CCNT1: variants seen among roughly 807,000 people sequenced by gnomAD.
The protein encoded by CCNT1 is cyclin-T1.
CCNT1 carries 18 observed loss-of-function variants against 67.3 expected under a neutral mutation model. The observed-to-expected ratio is 0.27, with a 90% CI of 0.18 to 0.40. The LOEUF (loss-of-function observed/expected upper bound fraction) is 0.40, where lower values mean the gene tolerates loss of function less well. Ranked by LOEUF, CCNT1 falls within the 10% of genes least tolerant of loss-of-function variation. The probability of loss-of-function intolerance (pLI) is 1.00; values close to 1 mark genes in which losing one functional copy is unlikely to be tolerated. For synonymous variants in CCNT1, 333 were observed against 310.3 expected, an observed-to-expected ratio of 1.07 and a Z score of -0.77; for missense variants, 744 against 884.9, an observed-to-expected ratio of 0.84 and a Z score of 2.02.
At position 48,693,103 on chromosome 12, in the gene CCNT1, T is replaced by C. The variant is rs1738043626; in HGVS notation, c.2111A>G (p.Asn704Ser). The change falls in exon 9 of 9, where the codon AAT (asparagine) becomes AGT (serine). Residue 704 changes from asparagine (N) to serine (S), a missense_variant. By Grantham distance (46) the Asn-to-Ser change is conservative. Transcript: ENST00000261900. ...AGGTGGTGGCCGGGGTTTGTCTGTA[T>C]TGCCAGATCTCGAGGAGATTCCACC... ...RSGGISSRSG[N>S]TDKPRPPPLP... 4 of 1,614,176 alleles carry C rather than the reference T, an allele frequency of 2.5e-6. No individual in the cohort carries two copies. In the East Asian group the frequency reaches 8.9e-5, roughly 36 times the overall value.
intron 5 of CCNT1, 110 bp from the exon 6 acceptor site, chr12:48,698,293 A>G: frequency 1.4e-6 from 1 of 708,794 alleles, no homozygotes; most frequent in Admixed American, 3.1e-5. Context: ...TACTGTGAAT[A>G]TAGTGGCAAA....
At chr12:48,697,377 C>T (rs937723732) in intron 6 of CCNT1, among the ~76,000 whole-genome samples, 2 of 151,258 alleles carry the variant, frequency 1.3e-5, no homozygotes, top group Admixed American at 6.6e-5. Flanking sequence ...AAAAAATTAG[C>T]GGGGCATGGT....
At chr12:48,716,381 G>T (rs1940532875) in intron 1 of CCNT1, 134 bp downstream of exon 1, 3 of 771,384 alleles carry the variant, frequency 3.9e-6, no homozygotes, top group African/African-American at 3.5e-5. Flanking sequence ...GCCCCATCGT[G>T]GGCTCTCCCA....
Position 48,694,254 on chromosome 12 carries a change from G to A in CCNT1, c.960C>T (p.Ser320=). ...VPSLPVSEES[S]SNLTSVEMLP... ...ACATCTCCACACTGGTTAAGTTGCTGGATGACTCTTCGGAGACTGGCAGGG... is the reference window on the plus strand; with the variant it reads ...ACATCTCCACACTGGTTAAGTTGCTAGATGACTCTTCGGAGACTGGCAGGG... Residue 320 remains serine (S), a synonymous_variant, in exon 9 of 9, where the codon TCC becomes TCT. Coordinates refer to ENST00000261900, the MANE Select transcript of CCNT1 (RefSeq NM_001240.4). The A allele has an allele frequency of 6.2e-7, 1 of 1,614,200 alleles. No individual in the cohort carries two copies. The highest frequency in any genetic ancestry group is 8.5e-7 in the Non-Finnish European group (1 of 1,180,044).
In CCNT1 at chr12:48,701,089, C is replaced by T; in HGVS notation, c.373-16G>A. 1 of 1,519,162 alleles carries T rather than the reference C, an allele frequency of 6.6e-7. No individual in the cohort carries two copies. Among genetic ancestry groups the T allele is most frequent in the Non-Finnish European group, 9.0e-7 (1 of 1,107,512 alleles). 94.1% of individuals were successfully genotyped at this position (1,519,162 alleles called of 1,614,324 possible). ...GCAAATAAGCCTAAAAGTGAGAAGACAGAAATTATTCCCTACAAAGGCACA... is the reference window on the plus strand; with the variant it reads ...GCAAATAAGCCTAAAAGTGAGAAGATAGAAATTATTCCCTACAAAGGCACA... On this transcript the variant is annotated splice_polypyrimidine_tract_variant and intron_variant, in intron 3 of 8. Coordinates refer to ENST00000261900, the MANE Select transcript of CCNT1 (RefSeq NM_001240.4).
In CCNT1 at chr12:48,708,538, C is replaced by T. The variant is rs370712774; in HGVS notation, c.244-2642G>A. Among the ~76,000 whole-genome samples the T allele has an allele frequency of 8.1e-4, 122 of 150,408 alleles. 4 individuals carry two copies. The South Asian group carries it at 0.025, about 31-fold the overall frequency. Reference sequence around the variant, plus strand: ...CTCCAACCTGGGCCACAGAGCGAGACTCTGTCTCAAAAAAAGAAAAAAAAA... The same window carrying T: ...CTCCAACCTGGGCCACAGAGCGAGATTCTGTCTCAAAAAAAGAAAAAAAAA... On this transcript the variant is annotated intron_variant, in intron 2 of 8. Transcript: ENST00000261900.
At position 48,694,209 on chromosome 12, in the gene CCNT1, C is replaced by T; in HGVS notation, c.1005G>A (p.Leu335=). 6.2e-7 allele frequency: 1 copy of T among 1,614,212 alleles called. No homozygotes were observed. Among genetic ancestry groups the T allele is most frequent in the Non-Finnish European group, 8.5e-7 (1 of 1,180,042 alleles). ...SVEMLPGKRW[L]SSQPSFKLEP... ...CTAGTTTGAAAGAAGGTTGGGAGGA[C>T]AGCCAACGCTTGCCCGGCAACATCT... The change falls in exon 9 of 9, where the codon CTG becomes CTA. Residue 335 remains leucine (L), a synonymous_variant. Transcript: ENST00000261900.
At chr12:48,695,656 A>G in intron 8 of CCNT1, 103 bp downstream of exon 8, 7 of 727,956 alleles carry the variant, frequency 9.6e-6, no homozygotes, top group Non-Finnish European at 1.7e-5. Context: ...AACTATAAAA[A>G]GGGCAATTCC....
intron 5 of CCNT1, among the ~76,000 whole-genome samples, 160 bp from the exon 6 acceptor site, chr12:48,698,343 C>T (rs1259598067): frequency 6.6e-6 from 1 of 152,174 alleles, no homozygotes; most frequent in Non-Finnish European, 1.5e-5. Context: ...CGTTTACATT[C>T]TGCCAAAGTA....
At chr12:48,706,353 T>C (rs1038680841) in intron 2 of CCNT1, among the ~76,000 whole-genome samples, 1 of 152,256 alleles carries the variant, frequency 6.6e-6, no homozygotes, top group African/African-American at 2.4e-5. Flanking sequence ...GTAAATGTTC[T>C]GCAATTAGAC....
chr12:48,696,966 G>C (rs933585235), intron 6 of CCNT1, among the ~76,000 whole-genome samples: 2 of 152,058 alleles, frequency 1.3e-5, no homozygotes, highest in African/African-American at 4.8e-5. Context: ...CCGAGTAGCT[G>C]GTACTACATG....
chr12:48,698,291 A>C, intron 5 of CCNT1, 108 bp from the exon 6 acceptor site: 1 of 735,944 alleles, frequency 1.4e-6, no homozygotes, highest in Admixed American at 3.1e-5. Flanking sequence ...GGTACTGTGA[A>C]TATAGTGGCA....
chr12:48,697,852 AAAAATAT>A (rs1267507858), intron 6 of CCNT1: 63 of 99,750 alleles, frequency 6.3e-4, no homozygotes, highest in African/African-American at 2.3e-3. Flanking sequence ...AAAAAAAAAA[AAAAATAT>A]ATATATATAT....
rs145173258 is a variant in CCNT1 at position 48,691,399 on chromosome 12, T to A, written c.*1634A>T. On this transcript the variant is annotated 3_prime_UTR_variant, in exon 9 of 9. Transcript: ENST00000261900. Reference sequence around the variant, plus strand: ...CATGAAGTAAGCTGCAATCAAATCATGAAAACAAACTCAAATTGAACCACC... The same window carrying A: ...CATGAAGTAAGCTGCAATCAAATCAAGAAAACAAACTCAAATTGAACCACC... 1 of 152,088 alleles carries A rather than the reference T, an allele frequency of 6.6e-6. No homozygotes were observed. The highest frequency in any genetic ancestry group is 2.4e-5 in the African/African-American group (1 of 41,396). The allele number at this position is 152,088 out of a possible 1,614,324, so 9.4% of individuals were successfully genotyped here. A position where few individuals can be genotyped will look rare whatever the true frequency, so the allele number is the denominator to read the frequency against.
Position 48,693,630 on chromosome 12 carries a change from G to A in CCNT1, c.1584C>T (p.His528=), listed in dbSNP as rs773758545. ...HHHHNHHSHK[H]SHSQLPVGTG... ...TACCAACTGGAAGTTGGGAATGAGA[G>A]TGCTTGTGTGAGTGGTGATTATGAT... The change falls in exon 9 of 9, where the codon CAC becomes CAT. Residue 528 remains histidine, a synonymous_variant. Transcript: ENST00000261900. 12 of 1,614,086 alleles carry A rather than the reference G, an allele frequency of 7.4e-6. No homozygotes were observed. In the Admixed American group the frequency reaches 1.0e-4, roughly 13 times the overall value.
chr12:48,714,787 T>C (rs991065768), intron 1 of CCNT1, among the ~76,000 whole-genome samples: 16 of 152,244 alleles, frequency 1.1e-4, no homozygotes, highest in African/African-American at 3.9e-4. Context: ...TCAGGATGTA[T>C]GAATCTAGAC....
In CCNT1 at chr12:48,716,678, T is replaced by C. The variant is rs751491538; in HGVS notation, c.-3A>G. The C allele has an allele frequency of 6.2e-6, 10 of 1,612,200 alleles. No homozygotes were observed. The highest frequency in any genetic ancestry group is 8.5e-6 in the Non-Finnish European group (10 of 1,178,742). ...TTGTTCTTCCTCTCTCCCTCCATAG[T>C]GCTTCAACCAGAAGGCAGCGGCGAA... On this transcript the variant is annotated 5_prime_UTR_variant, in exon 1 of 9. Transcript: ENST00000261900.
In CCNT1 at chr12:48,711,925, T is replaced by C. The variant is rs1940457128; in HGVS notation, c.243+2518A>G. 2.6e-5 allele frequency among the ~76,000 whole-genome samples: 4 copies of C among 152,294 alleles called. No homozygotes were observed. In the Middle Eastern group the frequency reaches 0.014, roughly 518 times the overall value. On this transcript the variant is annotated intron_variant, in intron 2 of 8. Transcript: ENST00000261900. ...CTCCTGTCTCAGCCTCCCGAGTAGC[T>C]GGGACTACAGGCGCCCACCGCCACG...
intron 2 of CCNT1, among the ~76,000 whole-genome samples, chr12:48,712,231 T>C (rs1336511345): frequency 6.6e-6 from 1 of 152,106 alleles, no homozygotes; most frequent in East Asian, 1.9e-4. Context: ...AAAGTAATAA[T>C]AAATCTGAAA....
Sources: allele counts gnomAD v4.1 joint callset (sites outside exome capture counted in the v4.1 genomes callset), GRCh38; gene constraint gnomAD v4.1.1; transcripts MANE v1.5; gene names NCBI Gene and HGNC (gene_info 2026-07-23, HGNC 2026-07-21).